Variants in THRB observed in about 807,000 individuals in gnomAD.
THRB encodes nuclear receptor subfamily 1 group A member 2.
THRB carries 12 observed loss-of-function variants against 47.8 expected under a neutral mutation model. That is an observed-to-expected ratio of 0.25 (90% CI 0.16 to 0.41). The LOEUF (loss-of-function observed/expected upper bound fraction) is 0.41. THRB is among the 10% of genes least tolerant of loss of function. The pLI is 1.00. For missense variants in THRB, 348 were observed against 589.2 expected, an observed-to-expected ratio of 0.59 and a Z score of 4.24; for synonymous variants, 218 against 212.2, an observed-to-expected ratio of 1.03 and a Z score of -0.24.
At chr3:24,233,607 G>GAAAGAAAGAA (rs2048547938) in intron 3 of THRB, among the ~76,000 whole-genome samples, 1 of 146,986 alleles carries the variant, frequency 6.8e-6, no homozygotes, top group Admixed American at 6.7e-5. Context: ...AAGAAAGAAA[G>GAAAGAAAGAA]AAAGAAAGAG....
At chr3:24,409,479 C>G (rs781773824) in intron 1 of THRB, among the ~76,000 whole-genome samples, 2 of 151,812 alleles carry the variant, frequency 1.3e-5, no homozygotes, top group South Asian at 2.1e-4. Flanking sequence ...CATTCTGGCT[C>G]TGTCATGTGT....
intron 3 of THRB, among the ~76,000 whole-genome samples, chr3:24,252,073 G>A (rs778783183): frequency 1.9e-4 from 29 of 152,068 alleles, no homozygotes; most frequent in Non-Finnish European, 3.4e-4. Context: ...CTCCTTGAAA[G>A]ACGCTAAAAT....
At chr3:24,449,533 A>G (rs921658524) in intron 1 of THRB, among the ~76,000 whole-genome samples, 1 of 152,176 alleles carries the variant, frequency 6.6e-6, no homozygotes, top group Non-Finnish European at 1.5e-5. Context: ...TAATAGACCA[A>G]CATTTAGTCC....
chr3:24,177,632 G>A (rs998316606), intron 5 of THRB, among the ~76,000 whole-genome samples: 1 of 152,176 alleles, frequency 6.6e-6, no homozygotes, highest in East Asian at 1.9e-4. Flanking sequence ...GCATGGGGGC[G>A]CACAGAGGAA....
chr3:24,298,935 T>C (rs2056672989), intron 2 of THRB, among the ~76,000 whole-genome samples: 1 of 152,216 alleles, frequency 6.6e-6, no homozygotes, highest in Admixed American at 6.5e-5. Context: ...TTTAAGTTAA[T>C]ATTTTTTTTT....
chr3:24,369,467 A>G (rs1191903176), intron 1 of THRB, among the ~76,000 whole-genome samples: 1 of 152,190 alleles, frequency 6.6e-6, no homozygotes, highest in African/African-American at 2.4e-5. Flanking sequence ...ACAACAAGGA[A>G]TTCTACATTT....
At chr3:24,330,359 C>T (rs1242798434) in intron 2 of THRB, among the ~76,000 whole-genome samples, 2 of 152,178 alleles carry the variant, frequency 1.3e-5, no homozygotes, top group African/African-American at 2.4e-5. Context: ...AATCACTTTG[C>T]CTGTAAGGAA....
rs2031043141 is a variant in THRB at position 24,118,471 on chromosome 3, T to A, written c.*4413A>T. On this transcript the variant is annotated 3_prime_UTR_variant, in exon 11 of 11. Coordinates refer to ENST00000646209, the MANE Select transcript of THRB (RefSeq NM_001354712.2). ...ACACAAATCTTCCAATGACTGTAAA[T>A]CTTTTTCTATTCTGTAGTATTTTTC... 6.6e-6 allele frequency: 1 copy of A among 152,590 alleles called. No individual in the cohort carries two copies. Among genetic ancestry groups the A allele is most frequent in the Non-Finnish European group, 1.5e-5 (1 of 68,032 alleles). The allele number at this position is 152,590 out of a possible 1,614,324, so 9.5% of individuals were successfully genotyped here.
At chr3:24,197,441 T>C (rs2044081388) in intron 4 of THRB, among the ~76,000 whole-genome samples, 1 of 152,216 alleles carries the variant, frequency 6.6e-6, no homozygotes, top group African/African-American at 2.4e-5. Context: ...TCCTGAATTA[T>C]CCATAATATT....
chr3:24,238,288 G>GTGTGT lies in THRB; in HGVS notation c.-42-9288_-42-9287insACACA, dbSNP rs2049107990. ...ATGTGTGTGTGTGTGTGGGGGGGGG[G>GTGTGT]GGGGTGTGTGGGGTGTGTGTGTGAT... On this transcript the variant is annotated intron_variant, in intron 3 of 10. Coordinates refer to ENST00000646209, the MANE Select transcript of THRB (RefSeq NM_001354712.2). Among the ~76,000 whole-genome samples the GTGTGT allele has an allele frequency of 7.4e-5, 10 of 134,768 alleles. No homozygotes were observed. The South Asian group carries it at 1.4e-3, about 18-fold the overall frequency. The allele number at this position is 134,768 out of a possible 152,430, so 88.4% of individuals were successfully genotyped here.
At chr3:24,222,593 G>T (rs2047265158) in intron 4 of THRB, among the ~76,000 whole-genome samples, 1 of 152,174 alleles carries the variant, frequency 6.6e-6, no homozygotes, top group Admixed American at 6.5e-5. Context: ...GTCTGAGCAT[G>T]AATTTAAAGA....
At chr3:24,242,187 T>C (rs986197623) in intron 3 of THRB, among the ~76,000 whole-genome samples, 3 of 152,114 alleles carry the variant, frequency 2.0e-5, no homozygotes, top group Non-Finnish European at 2.9e-5. Context: ...CTAAATCCTC[T>C]CCAAGTTTTT....
intron 3 of THRB, among the ~76,000 whole-genome samples, chr3:24,278,594 A>G (rs960322362): frequency 2.6e-5 from 4 of 152,220 alleles, no homozygotes; most frequent in African/African-American, 9.7e-5. Flanking sequence ...AGAAAGCCAT[A>G]TCACAACCCT....
chr3:24,458,914 T>C (rs943699570), intron 1 of THRB: 2 of 151,382 alleles, frequency 1.3e-5, no homozygotes, highest in African/African-American at 2.4e-5. Flanking sequence ...TTTTTCCTCT[T>C]TTACTTTCTG....
intron 1 of THRB, among the ~76,000 whole-genome samples, chr3:24,429,792 G>A (rs1260501327): frequency 1.3e-5 from 2 of 152,040 alleles, no homozygotes; most frequent in Non-Finnish European, 2.9e-5. Context: ...GGGATTACAG[G>A]CATGAGCCAC....
At chr3:24,282,812 C>T (rs575593890) in intron 3 of THRB, among the ~76,000 whole-genome samples, 97 of 149,598 alleles carry the variant, frequency 6.5e-4, no homozygotes, top group East Asian at 3.5e-3. Flanking sequence ...AACACCTCTA[C>T]GCAAATAAAC....
At chr3:24,221,939 A>G (rs2047198971) in intron 4 of THRB, among the ~76,000 whole-genome samples, 1 of 152,216 alleles carries the variant, frequency 6.6e-6, no homozygotes, top group South Asian at 2.1e-4. Flanking sequence ...AGGAGGACAG[A>G]GACAGTCAGA....
chr3:24,476,098 G>A (rs1695414514), intron 1 of THRB, among the ~76,000 whole-genome samples: 1 of 152,206 alleles, frequency 6.6e-6, no homozygotes, highest in South Asian at 2.1e-4. Flanking sequence ...GTCTGGCACA[G>A]ATTCTGCCTG....
At position 24,292,669 on chromosome 3, in the gene THRB, A is replaced by T. The variant is rs565505075; in HGVS notation, c.-43+4557T>A. 9.2e-5 allele frequency among the ~76,000 whole-genome samples: 14 copies of T among 152,314 alleles called. No individual in the cohort carries two copies. In the South Asian group the frequency reaches 2.9e-3, roughly 32 times the overall value. On this transcript the variant is annotated intron_variant, in intron 3 of 10. Coordinates refer to ENST00000646209, the MANE Select transcript of THRB (RefSeq NM_001354712.2). ...TGTGCCTGGCAAATAGTGGACTCTC[A>T]ATAAATCTTGTCGAGTAAAGAAGTC...
Sources: gnomAD v4.1 joint callset for allele counts (sites outside exome capture counted in the v4.1 genomes callset) on GRCh38, gnomAD v4.1.1 for gene constraint, MANE v1.5 for transcripts, NCBI Gene and HGNC (gene_info 2026-07-23, HGNC 2026-07-21) for gene names.